Variants in SPON1 observed in about 807,000 individuals in gnomAD.
SPON1 encodes the protein spondin 1.
In SPON1, 52 loss-of-function variants were observed where a neutral mutation model predicts 111.7. That is an observed-to-expected ratio of 0.47 (90% confidence interval 0.37 to 0.59). SPON1 has a LOEUF of 0.59. Ranked by LOEUF, SPON1 falls within the 20% of genes least tolerant of loss-of-function variation. The pLI, the probability that SPON1 is intolerant of heterozygous loss-of-function variation, is 0.00. For synonymous variants in SPON1, 410 were observed against 395.8 expected (o/e 1.04, Z -0.43); for missense variants, 957 against 1,068.5 (o/e 0.90, Z 1.46).
chr11:14,092,342 C>G (rs1554923498), intron 5 of SPON1, among the ~76,000 whole-genome samples: 11 of 152,166 alleles, frequency 7.2e-5, no homozygotes. Context: ...TTCTAGACCC[C>G]CTGAAAGGGT....
intron 5 of SPON1, among the ~76,000 whole-genome samples, chr11:14,088,942 C>T (rs1477098991): frequency 6.6e-6 from 1 of 151,588 alleles, no homozygotes; most frequent in Non-Finnish European, 1.5e-5. Context: ...TTGTGAATGC[C>T]TCAGGAAGTT....
intron 5 of SPON1, among the ~76,000 whole-genome samples, chr11:14,089,675 CCTCCTTGTCAGG>C (rs781872062): frequency 4.0e-4 from 61 of 152,180 alleles, no homozygotes; most frequent in Non-Finnish European, 7.3e-4. Flanking sequence ...CTGGTAGAAT[CCTCCTTGTCAGG>C]ATCTGCTGCA....
intron 2 of SPON1, among the ~76,000 whole-genome samples, chr11:14,028,885 C>A (rs551395576): frequency 6.6e-6 from 1 of 152,208 alleles, no homozygotes; most frequent in African/African-American, 2.4e-5. Flanking sequence ...CCCACTACCC[C>A]ATGCTACCTC....
chr11:14,050,782 G>A (rs961934544), intron 3 of SPON1, among the ~76,000 whole-genome samples: 4 of 152,158 alleles, frequency 2.6e-5, no homozygotes, highest in Admixed American at 2.0e-4. Flanking sequence ...TCAGAACAGT[G>A]TGCCCAGGGT....
chr11:14,187,266 C>T (rs1173860049), intron 6 of SPON1, among the ~76,000 whole-genome samples: 8 of 152,168 alleles, frequency 5.3e-5, no homozygotes, highest in Admixed American at 2.0e-4. Flanking sequence ...AAACACCTCC[C>T]ACCAGACCCA....
chr11:14,161,073 T>TTTTTATATATTTATATATATCTATATA (rs1554931185), intron 6 of SPON1, among the ~76,000 whole-genome samples: 4 of 26,414 alleles, frequency 1.5e-4, no homozygotes, highest in East Asian at 1.7e-3. Flanking sequence ...ATATCTATAA[T>TTTTTATATATTTATATATATCTATATA]TTTTATATAT....
At chr11:14,174,796 C>G (rs1848155583) in intron 6 of SPON1, among the ~76,000 whole-genome samples, 1 of 152,148 alleles carries the variant, frequency 6.6e-6, no homozygotes, top group Non-Finnish European at 1.5e-5. Context: ...TGTTTATCCA[C>G]TTTTAATTAA....
At chr11:14,220,086 CAAAAAA>C (rs149757475) in intron 6 of SPON1, among the ~76,000 whole-genome samples, 1 of 118,218 alleles carries the variant, frequency 8.5e-6, no homozygotes. Context: ...GCACTTGGAT[CAAAAAA>C]AAAAAAAAAA....
chr11:14,169,713 T>C (rs1284988531), intron 6 of SPON1, among the ~76,000 whole-genome samples: 2 of 152,236 alleles, frequency 1.3e-5, no homozygotes, highest in Admixed American at 6.5e-5. Context: ...TTTCTACATA[T>C]GGCTAGCCAC....
chr11:14,222,520 GA>G (rs1848692024), intron 6 of SPON1, among the ~76,000 whole-genome samples: 1 of 152,162 alleles, frequency 6.6e-6, no homozygotes, highest in Admixed American at 6.5e-5. Flanking sequence ...AGTAGACTTA[GA>G]AAGCCTCTAG....
At chr11:14,100,531 A>C (rs1448451980) in intron 5 of SPON1, among the ~76,000 whole-genome samples, 1 of 151,936 alleles carries the variant, frequency 6.6e-6, no homozygotes, top group Non-Finnish European at 1.5e-5. Context: ...ATCTCTGTTG[A>C]ATTCATAAAC....
rs143945508 is a variant in SPON1, at chr11:14,020,600, C to A, written c.346-20921C>A. On this transcript the variant is annotated intron_variant, in intron 2 of 15. Coordinates refer to ENST00000576479, the MANE Select transcript of SPON1 (RefSeq NM_006108.4). ...ACTGGCCAATTTAGACAAGTGGAGG[C>A]TGATGTAAGTACGAGGATGTTGATT... Among the ~76,000 whole-genome samples the A allele has an allele frequency of 5.9e-5, 9 of 152,246 alleles. No individual in the cohort carries two copies. In the East Asian group the frequency reaches 1.5e-3, roughly 26 times the overall value.
At chr11:14,248,592 T>G (rs1467899886) in intron 7 of SPON1, among the ~76,000 whole-genome samples, 1 of 152,090 alleles carries the variant, frequency 6.6e-6, no homozygotes, top group East Asian at 1.9e-4. Context: ...CATACCCCAG[T>G]CTCCCCTTTC....
intron 15 of SPON1, among the ~76,000 whole-genome samples, chr11:14,265,307 T>C (rs927235889): frequency 1.3e-5 from 2 of 152,060 alleles, no homozygotes; most frequent in African/African-American, 4.8e-5. Flanking sequence ...AGAAACAGAG[T>C]CTGCCTTTTG....
At chr11:14,254,223 G>A (rs1361205058) in intron 7 of SPON1, among the ~76,000 whole-genome samples, 1 of 152,216 alleles carries the variant, frequency 6.6e-6, no homozygotes, top group African/African-American at 2.4e-5. Context: ...TGAGGCAACA[G>A]TGAGCCATGA....
intron 1 of SPON1, among the ~76,000 whole-genome samples, chr11:13,976,828 T>C (rs1232408501): frequency 2.0e-5 from 3 of 152,222 alleles, no homozygotes; most frequent in African/African-American, 7.2e-5. Flanking sequence ...GCAGCATCCC[T>C]TGTTCTGCCT....
intron 2 of SPON1, among the ~76,000 whole-genome samples, chr11:13,992,599 C>A (rs1338524347): frequency 6.6e-6 from 1 of 152,032 alleles, no homozygotes; most frequent in African/African-American, 2.4e-5. Flanking sequence ...CAGGCACCAC[C>A]GGGGTATGGA....
intron 6 of SPON1, among the ~76,000 whole-genome samples, chr11:14,157,216 TC>T (rs1305695238): frequency 3.1e-4 from 47 of 152,114 alleles, no homozygotes; most frequent in Non-Finnish European, 1.9e-4. Flanking sequence ...CCTGAAAAAC[TC>T]CTTCAGCATT....
chr11:14,096,855 A>C (rs1849105557), intron 5 of SPON1, among the ~76,000 whole-genome samples: 1 of 152,198 alleles, frequency 6.6e-6, no homozygotes, highest in Non-Finnish European at 1.5e-5. Flanking sequence ...CTTTTTCAGA[A>C]ATTGATTCTT....
Sources: allele counts gnomAD v4.1 joint callset (sites outside exome capture counted in the v4.1 genomes callset), GRCh38; gene constraint gnomAD v4.1.1; transcripts MANE v1.5; gene names NCBI Gene and HGNC (gene_info 2026-07-23, HGNC 2026-07-21).